TCEAL4: variants seen among roughly 807,000 people sequenced by gnomAD.
TCEAL4 encodes transcription elongation factor A like 4, also known as transcription elongation factor A protein-like 4.
TCEAL4 carries 1 observed loss-of-function variant against 1.3 expected under a neutral mutation model. The ratio of observed to expected loss-of-function variants is 0.79; its 90% confidence interval spans 0.28 to 3.76. The LOEUF is 3.76. Among genes scored for constraint, TCEAL4 ranks in the 30% most tolerant of loss-of-function variants. The probability of loss-of-function intolerance (pLI) is 0.18; values close to 1 mark genes in which losing one functional copy is unlikely to be tolerated. For synonymous variants in TCEAL4, 54 were observed against 50.7 expected (o/e 1.06, Z -0.28); for missense variants, 129 against 154.7 (o/e 0.83, Z 0.88).
At position 103,576,354 on chromosome X, in the gene TCEAL4, G is replaced by T. The variant is rs892864191; in HGVS notation, c.-116G>T. The T allele has an allele frequency of 2.4e-5, 22 of 910,382 alleles. No homozygotes were observed. The Admixed American group carries it at 2.5e-4, about 10-fold the overall frequency. 75.0% of individuals were successfully genotyped at this position (910,382 alleles called of 1,213,427 possible). On this transcript the variant is annotated 5_prime_UTR_variant, in exon 1 of 5. Transcript: ENST00000372629. ...TAGTATTATTTCATCTTTTATACAG[G>T]TTATTAAGGTTAGTATTGCTGCATA...
intron 2 of TCEAL4, among the ~76,000 whole-genome samples, chrX:103,579,017 G>A (rs755047976): frequency 8.9e-6 from 1 of 112,256 alleles, no homozygotes; most frequent in South Asian, 3.6e-4. Flanking sequence ...TGTAGATGGT[G>A]TGAAAAAGAG....
intron 1 of TCEAL4, chrX:103,576,995 C>T: frequency 9.8e-7 from 1 of 1,017,355 alleles, no homozygotes; most frequent in Non-Finnish European, 1.3e-6. Context: ...AGTGAATATT[C>T]CAAAAATGCC....
chrX:103,579,523 C>A (rs887443310), intron 2 of TCEAL4, among the ~76,000 whole-genome samples: 1 of 112,270 alleles, frequency 8.9e-6, no homozygotes, highest in African/African-American at 3.2e-5. Context: ...GTTTTATTAT[C>A]TTTATGCTAT....
At chrX:103,580,631 A>G (rs1351549113), upstream of TCEAL4, among the ~76,000 whole-genome samples, 1 of 111,017 alleles carries the variant, frequency 9.0e-6, no homozygotes, top group Non-Finnish European at 1.9e-5. Context: ...TAAATTTTGT[A>G]ATTTTTGCGG....
At chrX:103,585,945 C>T in intron 1 of TCEAL4, 1 of 1,078,288 alleles carries the variant, frequency 9.3e-7, no homozygotes, top group Non-Finnish European at 1.2e-6. Flanking sequence ...TGGAAGTAAA[C>T]CCCATCTGCC....
chrX:103,578,538 G>A (rs1374060485), intron 2 of TCEAL4, among the ~76,000 whole-genome samples: 1 of 111,547 alleles, frequency 9.0e-6, no homozygotes. Flanking sequence ...ATCCATCCTA[G>A]TGGGTATAAA....
At chrX:103,586,509 C>T (rs1360022982) in intron 2 of TCEAL4, 140 bp from the exon 3 acceptor site, 21 of 872,244 alleles carry the variant, frequency 2.4e-5, no homozygotes, top group Non-Finnish European at 3.3e-5. Flanking sequence ...GGCAGAAGGC[C>T]CTCTTGGAGG....
At position 103,585,733 on chromosome X, in the gene TCEAL4, G is replaced by A. The variant is rs190164411; in HGVS notation, c.-101+109G>A. 5.4e-4 allele frequency: 622 copies of A among 1,156,940 alleles called. 3 individuals carry two copies. In the East Asian group the frequency reaches 0.012, roughly 23 times the overall value. On this transcript the variant is annotated intron_variant, in intron 1 of 2. Coordinates refer to ENST00000472484, the MANE Select transcript of TCEAL4 (RefSeq NM_001006935.3). ...GTGGGGTCGGGTCGAGTCGAGGGAAGCTGGCCCGAGTGTGGACAGAGATGG... is the reference window on the plus strand; with the variant it reads ...GTGGGGTCGGGTCGAGTCGAGGGAAACTGGCCCGAGTGTGGACAGAGATGG...
At chrX:103,580,211 G>T (rs969092718) in intron 2 of TCEAL4, among the ~76,000 whole-genome samples, 3 of 111,783 alleles carry the variant, frequency 2.7e-5, no homozygotes, top group African/African-American at 9.8e-5. Context: ...AGTTAATAAA[G>T]AATTATTTTT....
rs1431330460 is a variant in TCEAL4 at position 103,586,914 on chromosome X, G to A, written c.239G>A (p.Gly80Glu). ...EAKEGKSERE[G>E]ESEMEGGSER... ...AAAGAAGGAAAGTCAGAGAGGGAGG[G>A]AGAGTCAGAGATGGAGGGAGGATCA... The change falls in exon 3 of 3, where the codon GGA becomes GAA. Residue 80 changes from glycine (G) to glutamate (E), a missense_variant. Transcript: ENST00000472484. 3 of 1,199,038 alleles carry A rather than the reference G, an allele frequency of 2.5e-6. No individual in the cohort carries two copies. In the African/African-American group the frequency reaches 5.3e-5, roughly 21 times the overall value.
chrX:103,586,367 T>C (rs1298832075), intron 2 of TCEAL4, 76 bp downstream of exon 2: 57 of 1,098,862 alleles, frequency 5.2e-5, no homozygotes, highest in East Asian at 6.6e-5. Flanking sequence ...CAGGGCCGAA[T>C]TGGGGCCTTT....
chrX:103,586,057 T>C (rs1422867129), intron 1 of TCEAL4, 162 bp from the exon 2 acceptor site: 1 of 1,087,244 alleles, frequency 9.2e-7, no homozygotes, highest in Non-Finnish European at 1.2e-6. Context: ...GAAAGCATCC[T>C]GATTTGGTGC....
chrX:103,580,078 C>A (rs937611902), intron 2 of TCEAL4, among the ~76,000 whole-genome samples: 1 of 111,999 alleles, frequency 8.9e-6, no homozygotes, highest in African/African-American at 3.2e-5. Context: ...CCAGATAAGA[C>A]AATGTAGCTA....
chrX:103,580,540 C>T (rs2073502908), upstream of TCEAL4, among the ~76,000 whole-genome samples: 2 of 111,259 alleles, frequency 1.8e-5, no homozygotes, highest in African/African-American at 6.5e-5. Flanking sequence ...GCAGCCTCTA[C>T]CTCCCGAGAG....
chrX:103,586,448 T>A (rs2073548595), intron 2 of TCEAL4, 157 bp downstream of exon 2: 1 of 832,290 alleles, frequency 1.2e-6, no homozygotes, highest in Non-Finnish European at 1.7e-6. Flanking sequence ...GCAGAGCCTG[T>A]CAGGCAATGG....
rs1569388613 is a variant in TCEAL4 at position 103,577,188 on chromosome X, C to CT, written c.160dup (p.Ser54PhefsTer4). The CT allele has an allele frequency of 8.6e-7, 1 of 1,166,601 alleles. No individual in the cohort carries two copies. Among genetic ancestry groups the CT allele is most frequent in the East Asian group, 3.2e-5 (1 of 30,771 alleles). On this transcript the variant is annotated frameshift_variant, in exon 2 of 5. Coordinates refer to the TCEAL4 transcript ENST00000372629. LOFTEE classifies it high-confidence loss of function. ...TCATATGTGGAGCGGGACATAACAA[C>CT]TTCGGAAATTAAATCTCTTCCCCAG... is the stretch of plus-strand genomic sequence containing the variant.
intron 2 of TCEAL4, among the ~76,000 whole-genome samples, chrX:103,579,008 G>A (rs752120485): frequency 8.9e-6 from 1 of 112,180 alleles, no homozygotes; most frequent in South Asian, 3.6e-4. Flanking sequence ...GAATTGTTTT[G>A]TAGATGGTGT....
At chrX:103,577,115 A>G in exon 2 of TCEAL4, 2 of 1,167,259 alleles carry the variant, frequency 1.7e-6, no homozygotes, top group South Asian at 3.8e-5. Flanking sequence ...TTCAAAAGGA[A>G]GAGACAAAGT....
At position 103,586,847 on chromosome X, in the gene TCEAL4, A is replaced by G; in HGVS notation, c.172A>G (p.Met58Val). The G allele has an allele frequency of 8.3e-7, 1 of 1,201,382 alleles. No homozygotes were observed. The highest frequency in any genetic ancestry group is 1.1e-6 in the Non-Finnish European group (1 of 890,056). Residue 58 changes from methionine (M) to valine (V), a missense_variant, in exon 3 of 3, where the codon ATG becomes GTG. This residue lies in a region of TCEAL4 where 116 missense variants were observed against 120.3 expected (regional missense o/e 0.96). Transcript: ENST00000472484. ...CAAGGGCAAAACAGGAGATGAGGAA[A>G]TGTTAAAGGATAAAGGAAAGCCAGA... ...ENKGKTGDEE[M>V]LKDKGKPESE...
Sources: allele counts gnomAD v4.1 joint callset (sites outside exome capture counted in the v4.1 genomes callset), GRCh38; gene constraint gnomAD v4.1.1; regional missense constraint gnomAD v4.1.1; transcripts MANE v1.5; gene names NCBI Gene and HGNC (gene_info 2026-07-23, HGNC 2026-07-21).